Variants in NDST3 observed in about 807,000 individuals in gnomAD.
The protein encoded by NDST3 is N-deacetylase and N-sulfotransferase 3.
NDST3 carries 58 observed loss-of-function variants against 96.1 expected under a neutral mutation model. The observed-to-expected ratio is 0.60, with a 90% confidence interval of 0.49 to 0.75. The LOEUF is 0.75. Among genes scored for constraint, NDST3 ranks in the 30% least tolerant of loss-of-function variants. The probability of loss-of-function intolerance (pLI) is 0.00; values close to 1 mark genes in which losing one functional copy is unlikely to be tolerated. For missense variants in NDST3, 788 were observed against 1,034.2 expected (o/e 0.76, Z 3.27); for synonymous variants, 333 against 359.7 (o/e 0.93, Z 0.84).
intron 5 of NDST3, among the ~76,000 whole-genome samples, chr4:118,141,040 T>G (rs1286654818): frequency 6.6e-6 from 1 of 152,162 alleles, no homozygotes. Context: ...TGGTCTTTAT[T>G]GGTATCTCCC....
intron 2 of NDST3, among the ~76,000 whole-genome samples, chr4:118,058,526 T>C (rs902450846): frequency 1.3e-5 from 2 of 149,152 alleles, no homozygotes; most frequent in Admixed American, 6.7e-5. Flanking sequence ...AAGAAGAAAA[T>C]TGTTTAGATA....
intron 6 of NDST3, among the ~76,000 whole-genome samples, chr4:118,175,537 G>C (rs1578769421): frequency 1.3e-5 from 2 of 152,126 alleles, no homozygotes; most frequent in South Asian, 4.2e-4. Flanking sequence ...CTTTGGAATA[G>C]TATCTTTTCT....
rs5861382 is a variant in NDST3, at chr4:118,253,485, CTT to C, written c.2400-4_2400-3del. The C allele has an allele frequency of 6.5e-3, 7,888 of 1,217,174 alleles. 1 individual carries two copies. Among genetic ancestry groups the C allele is most frequent in the South Asian group, 9.5e-3 (615 of 65,024 alleles). The allele number at this position is 1,217,174 out of a possible 1,614,324, so 75.4% of individuals were successfully genotyped here. A position where few individuals can be genotyped will look rare whatever the true frequency, so the allele number is the denominator to read the frequency against. ...ATTTTCTGGTTTTTCTGTGTGTATT[CTT>C]TTTTTTTTTAGGTTTGATTCTCATA... On this transcript the variant is annotated splice_polypyrimidine_tract_variant and intron_variant, in intron 12 of 13. Coordinates refer to ENST00000296499, the MANE Select transcript of NDST3 (RefSeq NM_004784.3).
At chr4:118,138,666 T>C (rs571083112) in intron 5 of NDST3, among the ~76,000 whole-genome samples, 1 of 152,228 alleles carries the variant, frequency 6.6e-6, no homozygotes, top group South Asian at 2.1e-4. Flanking sequence ...AACTCAACCA[T>C]TTGCAGCCAG....
chr4:118,162,034 A>T (rs1735189198), intron 6 of NDST3, among the ~76,000 whole-genome samples: 1 of 152,210 alleles, frequency 6.6e-6, no homozygotes, highest in African/African-American at 2.4e-5. Flanking sequence ...CTAGGAACCC[A>T]GCTTACAAGG....
At chr4:118,248,164 A>G (rs1741441346) in intron 12 of NDST3, among the ~76,000 whole-genome samples, 1 of 152,098 alleles carries the variant, frequency 6.6e-6, no homozygotes, top group Non-Finnish European at 1.5e-5. Context: ...CAGCCTAACC[A>G]ATATGGTGGA....
intron 6 of NDST3, among the ~76,000 whole-genome samples, chr4:118,192,199 G>A (rs1443005620): frequency 1.3e-5 from 2 of 152,146 alleles, no homozygotes; most frequent in Non-Finnish European, 2.9e-5. Flanking sequence ...CTTGTCAGAT[G>A]GGGAGTTTAC....
rs556977340 is a variant in NDST3 at position 118,204,738 on chromosome 4, G to A, written c.1540-19753G>A. On this transcript the variant is annotated intron_variant, in intron 6 of 13. Coordinates refer to ENST00000296499, the MANE Select transcript of NDST3 (RefSeq NM_004784.3). Reference sequence around the variant, plus strand: ...TGTGTATATACACATGTGTCTTTGTGAATATAAATATAAATCTATCTATAT... The same window carrying A: ...TGTGTATATACACATGTGTCTTTGTAAATATAAATATAAATCTATCTATAT... Among the ~76,000 whole-genome samples the A allele has an allele frequency of 6.9e-5, 10 of 144,464 alleles. 1 individual carries two copies. In the East Asian group the frequency reaches 2.0e-3, roughly 28 times the overall value. The allele number at this position is 144,464 out of a possible 152,430, so 94.8% of individuals were successfully genotyped here. A position where few individuals can be genotyped will look rare whatever the true frequency, so the allele number is the denominator to read the frequency against.
chr4:118,093,380 A>G (rs893854098), intron 2 of NDST3, among the ~76,000 whole-genome samples: 3 of 151,890 alleles, frequency 2.0e-5, no homozygotes, highest in Non-Finnish European at 4.4e-5. Context: ...TAAGCACTCA[A>G]TAAATGTATA....
At chr4:118,113,306 G>GA (rs1169619391) in intron 3 of NDST3, among the ~76,000 whole-genome samples, 5 of 151,942 alleles carry the variant, frequency 3.3e-5, no homozygotes, top group African/African-American at 9.7e-5. Context: ...ATATGAAGAA[G>GA]AAAAAAATAA....
At chr4:118,073,867 G>A (rs1292480548) in intron 2 of NDST3, among the ~76,000 whole-genome samples, 1 of 151,756 alleles carries the variant, frequency 6.6e-6, no homozygotes, top group Non-Finnish European at 1.5e-5. Flanking sequence ...AACTTTTTAT[G>A]TGATGTTACA....
chr4:118,054,020 A>C lies in NDST3; in HGVS notation c.110A>C (p.Tyr37Ser). 1 of 1,612,958 alleles carries C rather than the reference A, an allele frequency of 6.2e-7. No individual in the cohort carries two copies. The highest frequency in any genetic ancestry group is 8.5e-7 in the Non-Finnish European group (1 of 1,179,212). Residue 37 changes from tyrosine to serine, a missense_variant, in exon 2 of 14, where the codon TAC becomes TCC. Tyr to Ser is a moderately radical substitution (Grantham distance 144). Transcript: ENST00000296499. ...IISAYYLYSGYKQENELSETA... is the reference protein window; with the variant it reads ...IISAYYLYSGSKQENELSETA... ...TCTGCTTACTACCTGTACAGTGGCT[A>C]CAAACAGGAAAATGAACTCTCTGAG...
chr4:118,040,561 G>A (rs1258748540), intron 1 of NDST3, among the ~76,000 whole-genome samples: 1 of 152,024 alleles, frequency 6.6e-6, no homozygotes. Context: ...AACCCTTAGT[G>A]TACTTTCATT....
chr4:118,176,379 C>T (rs1272612332), intron 6 of NDST3, among the ~76,000 whole-genome samples: 1 of 152,082 alleles, frequency 6.6e-6, no homozygotes, highest in African/African-American at 2.4e-5. Context: ...GCCTTCATAA[C>T]ATTATATGCA....
At chr4:118,086,265 C>T (rs1283723196) in intron 2 of NDST3, among the ~76,000 whole-genome samples, 7 of 152,180 alleles carry the variant, frequency 4.6e-5, no homozygotes, top group Non-Finnish European at 8.8e-5. Flanking sequence ...ATTTATGAAT[C>T]GTTTTGGAAA....
At chr4:118,120,603 T>C (rs1490897048) in intron 4 of NDST3, among the ~76,000 whole-genome samples, 1 of 152,124 alleles carries the variant, frequency 6.6e-6, no homozygotes, top group Non-Finnish European at 1.5e-5. Context: ...CTCAGGGTGG[T>C]GTTTGCTATC....
At chr4:118,072,608 T>C (rs1727176174) in intron 2 of NDST3, among the ~76,000 whole-genome samples, 1 of 152,168 alleles carries the variant, frequency 6.6e-6, no homozygotes, top group Non-Finnish European at 1.5e-5. Context: ...AAGTTGTTCA[T>C]TAGATCTAGG....
chr4:118,181,462 A>G (rs1736605905), intron 6 of NDST3, among the ~76,000 whole-genome samples: 1 of 152,136 alleles, frequency 6.6e-6, no homozygotes, highest in Non-Finnish European at 1.5e-5. Context: ...TGCCGACAAG[A>G]AAGGAAGCAA....
chr4:118,159,798 T>C (rs1221927496), intron 6 of NDST3, among the ~76,000 whole-genome samples: 1 of 152,178 alleles, frequency 6.6e-6, no homozygotes, highest in African/African-American at 2.4e-5. Flanking sequence ...CTAGTTTTAA[T>C]AGCAAACATG....
Sources: allele counts gnomAD v4.1 joint callset (sites outside exome capture counted in the v4.1 genomes callset), GRCh38; gene constraint gnomAD v4.1.1; transcripts MANE v1.5; gene names NCBI Gene and HGNC (gene_info 2026-07-23, HGNC 2026-07-21).